MKX: variants seen among roughly 807,000 people sequenced by gnomAD.
MKX encodes the protein homeobox protein Mohawk.
Under a neutral mutation model 36.0 loss-of-function variants are expected in MKX, and 13 were observed. The observed-to-expected ratio is 0.36, with a 90% CI of 0.24 to 0.57. MKX has a LOEUF of 0.57. MKX is among the 20% of genes least tolerant of loss of function. The pLI is 0.79. For missense variants in MKX, 458 were observed against 456.4 expected (o/e 1.00, Z -0.03); for synonymous variants, 176 against 178.3 (o/e 0.99, Z 0.10).
chr10:27,743,416 G>A lies in MKX; in HGVS notation c.-1C>T. 1 of 1,548,068 alleles carries A rather than the reference G, an allele frequency of 6.5e-7. No homozygotes were observed. Among genetic ancestry groups the A allele is most frequent in the Non-Finnish European group, 8.7e-7 (1 of 1,149,952 alleles). On this transcript the variant is annotated 5_prime_UTR_variant, in exon 2 of 7. Coordinates refer to ENST00000419761, the MANE Select transcript of MKX (RefSeq NM_173576.3). ...GCTTGTTGAAGACGATGGTGTTCAT[G>A]GTGTCGGTTGGTAGGGACGCGCGGC...
At chr10:27,693,365 A>G (rs1274692834) in intron 5 of MKX, among the ~76,000 whole-genome samples, 1 of 152,236 alleles carries the variant, frequency 6.6e-6, no homozygotes, top group African/African-American at 2.4e-5. Context: ...AGGCATCACC[A>G]GGCATTCAAA....
intron 5 of MKX, among the ~76,000 whole-genome samples, chr10:27,731,969 C>A (rs777356100): frequency 7.4e-5 from 10 of 135,146 alleles, no homozygotes; most frequent in Non-Finnish European, 1.6e-4. Flanking sequence ...TACTCTGTCT[C>A]ATTAAAATTA....
In MKX at chr10:27,675,239, T is replaced by G; in HGVS notation, c.1049A>C (p.Gln350Pro). The part of the protein sequence containing the change: ...EVKTVKVPLV[Q>P]QF The stretch of plus-strand genomic sequence containing the variant: ...AAAAGCAACAAGCTCTTAAAACTGC[T>G]GCACCAGCGGCACTTTGACAGTCTT... The change falls in exon 7 of 7, where the codon CAG becomes CCG. Residue 350 changes from glutamine to proline, a missense_variant. By Grantham distance (76) the Gln-to-Pro change is moderately conservative. Around this residue, in one of 3 missense-constraint regions of MKX, gnomAD observed 297 missense variants for 304.4 expected, o/e 0.98. Transcript: ENST00000419761. 1 of 1,613,800 alleles carries G rather than the reference T, an allele frequency of 6.2e-7. No homozygotes were observed. The highest frequency in any genetic ancestry group is 8.5e-7 in the Non-Finnish European group (1 of 1,179,854).
At chr10:27,723,479 A>G (rs1265153457) in intron 5 of MKX, among the ~76,000 whole-genome samples, 2 of 152,208 alleles carry the variant, frequency 1.3e-5, no homozygotes, top group African/African-American at 4.8e-5. Flanking sequence ...AAACAATCAT[A>G]TCACTCAATC....
At chr10:27,737,074 A>G (rs11006694) in intron 3 of MKX, among the ~76,000 whole-genome samples, 19,465 of 152,142 alleles carry the variant, frequency 0.13, 3,174 homozygotes, top group African/African-American at 0.37. Context: ...CTGCACTCCC[A>G]GAAGGACTAG....
intron 5 of MKX, among the ~76,000 whole-genome samples, chr10:27,707,941 A>G (rs545321342): frequency 6.6e-6 from 1 of 151,990 alleles, no homozygotes; most frequent in Non-Finnish European, 1.5e-5. Context: ...GAAGGTAAAC[A>G]GGTCTCTGCA....
intron 5 of MKX, among the ~76,000 whole-genome samples, chr10:27,686,054 T>C (rs1836342432): frequency 1.3e-5 from 2 of 152,158 alleles, no homozygotes; most frequent in African/African-American, 2.4e-5. Context: ...CTTTAAAACT[T>C]TGGCATGACA....
intron 5 of MKX, among the ~76,000 whole-genome samples, chr10:27,710,791 G>A (rs1000151138): frequency 2.6e-5 from 4 of 152,124 alleles, no homozygotes; most frequent in Admixed American, 2.6e-4. Context: ...CCAAGTAGCT[G>A]GGATTAGAGG....
In MKX at chr10:27,734,745, A is replaced by T. The variant is rs1834714551; in HGVS notation, c.549T>A (p.Asn183Lys). ...PRTHMNEGGY[N>K]TPVHHPVIKS... is the part of the protein sequence containing the mutation. Reference sequence around the variant, plus strand: ...TAATCACAGGATGGTGAACTGGGGTATTATAGCCCCCTTCGTTCATGTGGG... The same window carrying T: ...TAATCACAGGATGGTGAACTGGGGTTTTATAGCCCCCTTCGTTCATGTGGG... The change falls in exon 5 of 7, where the codon AAT becomes AAA. Residue 183 changes from asparagine (N) to lysine (K), a missense_variant. By Grantham distance (94) the Asn-to-Lys change is moderately conservative. Around this residue, in one of 3 missense-constraint regions of MKX, gnomAD observed 297 missense variants for 304.4 expected, o/e 0.98. Coordinates refer to ENST00000419761, the MANE Select transcript of MKX (RefSeq NM_173576.3). 6.2e-7 allele frequency: 1 copy of T among 1,613,934 alleles called. No individual in the cohort carries two copies. Among genetic ancestry groups the T allele is most frequent in the African/African-American group, 1.3e-5 (1 of 74,890 alleles).
At chr10:27,743,604 G>A in intron 1 of MKX, 107 bp from the exon 2 acceptor site, 1 of 603,636 alleles carries the variant, frequency 1.7e-6, no homozygotes, top group East Asian at 3.5e-5. Flanking sequence ...GAGCCGAGGG[G>A]AGGAGCGGCG....
chr10:27,721,119 A>T (rs1187006141), intron 5 of MKX, among the ~76,000 whole-genome samples: 1 of 152,212 alleles, frequency 6.6e-6, no homozygotes, highest in Non-Finnish European at 1.5e-5. Flanking sequence ...TATAAATATC[A>T]TGGACAAAAA....
chr10:27,694,878 AC>A (rs1416735111), intron 5 of MKX, among the ~76,000 whole-genome samples: 1 of 150,038 alleles, frequency 6.7e-6, no homozygotes, highest in East Asian at 2.0e-4. Flanking sequence ...AAAAGCACAA[AC>A]AAATTGCCTT....
At chr10:27,735,021 T>A (rs777795949) in intron 4 of MKX, among the ~76,000 whole-genome samples, 200 bp downstream of exon 4, 1 of 152,200 alleles carries the variant, frequency 6.6e-6, no homozygotes, top group Non-Finnish European at 1.5e-5. Context: ...TTCTGACACA[T>A]GGTATATCTA....
At chr10:27,679,772 A>G (rs769832962) in intron 5 of MKX, among the ~76,000 whole-genome samples, 2 of 152,226 alleles carry the variant, frequency 1.3e-5, no homozygotes, top group Non-Finnish European at 2.9e-5. Flanking sequence ...CAGAAAATTT[A>G]CAATCTTCTC....
Position 27,734,490 on chromosome 10 carries a change from T to G in MKX, c.804A>C (p.Ser268=). The G allele has an allele frequency of 6.2e-7, 1 of 1,614,232 alleles. No individual in the cohort carries two copies. ...AGACAAAGTTGCCTTCAGTTTCTGA[T>G]GACGATGGAGACACTAATTCTTCCT... is the stretch of plus-strand genomic sequence containing the variant. The part of the protein sequence containing the change: ...EFEEELVSPS[S]SETEGNFVYR... Residue 268 remains serine, a synonymous_variant, in exon 5 of 7, where the codon TCA becomes TCC. Transcript: ENST00000419761.
chr10:27,686,392 GGA>G (rs1461502896), intron 5 of MKX, among the ~76,000 whole-genome samples: 6 of 79,894 alleles, frequency 7.5e-5, no homozygotes, highest in African/African-American at 5.0e-4. Context: ...GGAAGGGAAG[GGA>G]AAGGAAGGAA....
intron 5 of MKX, among the ~76,000 whole-genome samples, chr10:27,732,494 G>C (rs1834653885): frequency 6.6e-6 from 1 of 151,914 alleles, no homozygotes; most frequent in Non-Finnish European, 1.5e-5. Context: ...TTTATTGATT[G>C]TTGTTTCTTT....
chr10:27,743,141 C>T, intron 2 of MKX, 87 bp downstream of exon 2: 1 of 1,290,714 alleles, frequency 7.7e-7, no homozygotes, highest in African/African-American at 1.6e-5. Flanking sequence ...GTCCACCCGC[C>T]CGCGTTGCCA....
Position 27,741,080 on chromosome 10 carries a change from A to G in MKX, c.348+265T>C, listed in dbSNP as rs556204697. On this transcript the variant is annotated intron_variant, in intron 3 of 6. Coordinates refer to ENST00000419761, the MANE Select transcript of MKX (RefSeq NM_173576.3). The surrounding 1 kb of genome is among the most constrained non-coding windows in gnomAD (Gnocchi z 5.1). ...GTTTTAAGCTCTCCAGGCGATTCTGATGCTCACTAATGTTGAACCTTCTCG... is the reference window on the plus strand; with the variant it reads ...GTTTTAAGCTCTCCAGGCGATTCTGGTGCTCACTAATGTTGAACCTTCTCG... Among the ~76,000 whole-genome samples the G allele has an allele frequency of 2.0e-5, 3 of 152,150 alleles. No homozygotes were observed. The highest frequency in any genetic ancestry group is 4.4e-5 in the Non-Finnish European group (3 of 68,024).
Sources: gnomAD v4.1 joint callset for allele counts (sites outside exome capture counted in the v4.1 genomes callset) on GRCh38, gnomAD v4.1.1 for gene constraint, gnomAD v4.1.1 regional missense constraint, Gnocchi (gnomAD v3.1) non-coding constraint, MANE v1.5 for transcripts, NCBI Gene and HGNC (gene_info 2026-07-23, HGNC 2026-07-21) for gene names.